Variants in CAPN7 observed in about 807,000 individuals in gnomAD.
CAPN7 encodes calpain-7.
In CAPN7, 72 loss-of-function variants were observed where a neutral mutation model predicts 115.2. The observed-to-expected ratio is 0.63, with a 90% CI of 0.52 to 0.76. CAPN7 has a LOEUF of 0.76. Among genes scored for constraint, CAPN7 ranks in the 30% least tolerant of loss-of-function variants. The pLI is 0.00. For synonymous variants in CAPN7, 344 were observed against 322.3 expected, an observed-to-expected ratio of 1.07 and a Z score of -0.72; for missense variants, 905 against 971.5, an observed-to-expected ratio of 0.93 and a Z score of 0.91.
intron 17 of CAPN7, 61 bp from the exon 18 acceptor site, chr3:15,246,671 G>A (rs916388020): frequency 4.3e-6 from 5 of 1,152,564 alleles, no homozygotes; most frequent in South Asian, 2.6e-5. Context: ...ATATATTCAT[G>A]TATCACTTTG....
At chr3:15,227,574 A>G (rs1466495635) in intron 6 of CAPN7, among the ~76,000 whole-genome samples, 1 of 152,156 alleles carries the variant, frequency 6.6e-6, no homozygotes, top group Non-Finnish European at 1.5e-5. Flanking sequence ...CAGTTATGCT[A>G]AATTTAAAAA....
At chr3:15,208,401 C>T (rs776218995) in intron 1 of CAPN7, among the ~76,000 whole-genome samples, 2 of 151,568 alleles carry the variant, frequency 1.3e-5, no homozygotes, top group Non-Finnish European at 2.9e-5. Context: ...AATCCTCCTG[C>T]CTCAGTCTCC....
In CAPN7 at chr3:15,212,101, T is replaced by C. The variant is rs371561470; in HGVS notation, c.103-3T>C. The C allele has an allele frequency of 1.1e-5, 18 of 1,579,236 alleles. No homozygotes were observed. The African/African-American group carries it at 1.8e-4, about 16-fold the overall frequency. Reference sequence around the variant, plus strand: ...GGATTCCTTTGAATTCTTTCATTTTTAGGAAGCTGCACAAGCCTTAATTTA... The same window carrying C: ...GGATTCCTTTGAATTCTTTCATTTTCAGGAAGCTGCACAAGCCTTAATTTA... On this transcript the variant is annotated splice_polypyrimidine_tract_variant and splice_region_variant and intron_variant, in intron 1 of 20. Coordinates refer to ENST00000253693, the MANE Select transcript of CAPN7 (RefSeq NM_014296.3).
rs759856765 is a variant in CAPN7, at chr3:15,228,963, C to A, written c.853-11C>A. 10 of 1,579,148 alleles carry A rather than the reference C, an allele frequency of 6.3e-6. No homozygotes were observed. The African/African-American group carries it at 1.1e-4, about 17-fold the overall frequency. ...AATGAATATGAATATGTTAATTATT[C>A]TTATTAACAGACAATAGTATCGGAT... On this transcript the variant is annotated splice_polypyrimidine_tract_variant and intron_variant, in intron 7 of 20. Coordinates refer to ENST00000253693, the MANE Select transcript of CAPN7 (RefSeq NM_014296.3).
intron 9 of CAPN7, among the ~76,000 whole-genome samples, chr3:15,231,555 A>C (rs1694687720): frequency 6.7e-6 from 1 of 150,164 alleles, no homozygotes; most frequent in Admixed American, 6.6e-5. Flanking sequence ...TTTGAGATGG[A>C]GTCTCACTCT....
intron 1 of CAPN7, among the ~76,000 whole-genome samples, chr3:15,209,250 T>C (rs1216115610): frequency 6.6e-6 from 1 of 152,178 alleles, no homozygotes; most frequent in African/African-American, 2.4e-5. Flanking sequence ...CCTCAGGTGA[T>C]CCACCTGCCT....
chr3:15,221,006 A>G, intron 5 of CAPN7, 25 bp downstream of exon 5: 1 of 1,586,386 alleles, frequency 6.3e-7, no homozygotes, highest in Non-Finnish European at 8.6e-7. Context: ...AATTAATTGT[A>G]ATGAAGAATT....
In CAPN7 at chr3:15,221,131, T is replaced by A. The variant is rs1575178210; in HGVS notation, c.638+150T>A. On this transcript the variant is annotated intron_variant, in intron 5 of 20. Transcript: ENST00000253693. The stretch of plus-strand genomic sequence containing the variant: ...AATTATATCATCATGTAGTCACAAC[T>A]TGAAATAGTTAAAATTTTAGTTCTG... The A allele has an allele frequency of 8.2e-5, 45 of 548,826 alleles. 1 individual carries two copies. The East Asian group carries it at 1.4e-3, about 17-fold the overall frequency. 34.0% of individuals were successfully genotyped at this position (548,826 alleles called of 1,614,324 possible).
chr3:15,242,289 A>G (rs1575236871), intron 16 of CAPN7, 36 bp downstream of exon 16: 5 of 1,247,300 alleles, frequency 4.0e-6, no homozygotes, highest in Non-Finnish European at 5.7e-6. Flanking sequence ...TAAAATAAAC[A>G]TACATAAGAT....
At chr3:15,233,337 T>C (rs1175825445) in intron 10 of CAPN7, among the ~76,000 whole-genome samples, 1 of 152,246 alleles carries the variant, frequency 6.6e-6, no homozygotes. Context: ...ACTTTTCCAG[T>C]TTTATGCCCA....
At chr3:15,247,967 T>G (rs1411032512) in intron 19 of CAPN7, among the ~76,000 whole-genome samples, 1 of 150,758 alleles carries the variant, frequency 6.6e-6, no homozygotes, top group Non-Finnish European at 1.5e-5. Context: ...TAGGTGGGAA[T>G]TGAACAATGA....
At chr3:15,232,251 C>A (rs1020693480) in intron 9 of CAPN7, 4 of 350,752 alleles carry the variant, frequency 1.1e-5, no homozygotes, top group Admixed American at 9.7e-5. Flanking sequence ...AGATGCTCAG[C>A]CTTTTAATTT....
Position 15,210,037 on chromosome 3 carries a change from G to A in CAPN7, c.103-2067G>A, listed in dbSNP as rs555254307. Among the ~76,000 whole-genome samples, 3 of 152,248 alleles carry A rather than the reference G, an allele frequency of 2.0e-5. No homozygotes were observed. In the East Asian group the frequency reaches 5.8e-4, roughly 29 times the overall value. On this transcript the variant is annotated intron_variant, in intron 1 of 20. Transcript: ENST00000253693. The stretch of plus-strand genomic sequence containing the variant: ...TTTTTCAGAGACAGGGTCTCATTCT[G>A]TCACCCAGGCTGGCGGGCAGTGGTG...
chr3:15,225,727 T>G (rs570706909), intron 6 of CAPN7, among the ~76,000 whole-genome samples: 12 of 152,338 alleles, frequency 7.9e-5, no homozygotes, highest in Admixed American at 7.2e-4. Context: ...CTGTTTTAAT[T>G]AAGTTGCACC....
At position 15,206,434 on chromosome 3, in the gene CAPN7, T is replaced by C; in HGVS notation, c.-62T>C. The C allele has an allele frequency of 7.7e-7, 1 of 1,299,300 alleles. No homozygotes were observed. The highest frequency in any genetic ancestry group is 1.1e-6 in the Non-Finnish European group (1 of 935,998). The allele number at this position is 1,299,300 out of a possible 1,614,324, so 80.5% of individuals were successfully genotyped here. On this transcript the variant is annotated 5_prime_UTR_variant, in exon 1 of 21. Coordinates refer to ENST00000253693, the MANE Select transcript of CAPN7 (RefSeq NM_014296.3). ...CCTCGCCGCCGCCGGGCCGCCGCAG[T>C]CCGCGAAGAGCCGTCCTGCGTCAGG...
At chr3:15,207,410 A>G (rs935314389) in intron 1 of CAPN7, among the ~76,000 whole-genome samples, 2 of 152,240 alleles carry the variant, frequency 1.3e-5, no homozygotes, top group African/African-American at 2.4e-5. Flanking sequence ...GGCCTGGGAC[A>G]TTCACTGCTC....
chr3:15,247,709 G>A (rs1446508407), intron 19 of CAPN7, among the ~76,000 whole-genome samples: 1 of 151,988 alleles, frequency 6.6e-6, no homozygotes. Context: ...AATGTGAAAG[G>A]CAAAACAATA....
intron 1 of CAPN7, among the ~76,000 whole-genome samples, chr3:15,210,543 G>A (rs530859525): frequency 9.0e-4 from 134 of 148,242 alleles, no homozygotes; most frequent in Non-Finnish European, 1.6e-3. Context: ...CCTTTAGGCT[G>A]AATTTTCATT....
intron 10 of CAPN7, among the ~76,000 whole-genome samples, 182 bp from the exon 11 acceptor site, chr3:15,233,685 C>G (rs936787582): frequency 5.9e-5 from 9 of 152,086 alleles, no homozygotes; most frequent in Non-Finnish European, 1.0e-4. Context: ...GAAAAATATG[C>G]ATGTTCAAAT....
Sources: allele counts gnomAD v4.1 joint callset (sites outside exome capture counted in the v4.1 genomes callset), GRCh38; gene constraint gnomAD v4.1.1; transcripts MANE v1.5; gene names NCBI Gene and HGNC (gene_info 2026-07-23, HGNC 2026-07-21).